The following IL1RAPL2 variants were observed in gnomAD, a reference collection of about 807,000 sequenced individuals.
IL1RAPL2 encodes the protein interleukin 1 receptor accessory protein like 2.
IL1RAPL2 carries 3 observed loss-of-function variants against 44.1 expected under a neutral mutation model. The observed-to-expected ratio is 0.07, with a 90% CI of 0.03 to 0.18. The LOEUF is 0.18. IL1RAPL2 is among the 10% of genes least tolerant of loss of function. The probability of loss-of-function intolerance (pLI) is 1.00; values close to 1 mark genes in which losing one functional copy is unlikely to be tolerated. For synonymous variants in IL1RAPL2, 181 were observed against 178.8 expected (o/e 1.01, Z -0.10); for missense variants, 391 against 496.4 (o/e 0.79, Z 2.02).
chrX:105,219,820 G>A (rs1556177783), intron 3 of IL1RAPL2: 24 of 1,109,865 alleles, frequency 2.2e-5, no homozygotes, highest in Non-Finnish European at 2.6e-5. Context: ...ACTAAGCAGG[G>A]TAGGACGGAG....
At chrX:105,554,251 T>G (rs2036880460) in intron 6 of IL1RAPL2, among the ~76,000 whole-genome samples, 1 of 112,989 alleles carries the variant, frequency 8.9e-6, no homozygotes, top group South Asian at 3.6e-4. Flanking sequence ...AACCAAGGAT[T>G]CTAGAAATAC....
At chrX:105,653,160 G>A (rs1485455272) in intron 6 of IL1RAPL2, among the ~76,000 whole-genome samples, 3 of 111,562 alleles carry the variant, frequency 2.7e-5, no homozygotes, top group Non-Finnish European at 3.8e-5. Flanking sequence ...AATGGAATAC[G>A]GAAAATATAG....
chrX:105,394,652 C>A (rs2035549556), intron 5 of IL1RAPL2, among the ~76,000 whole-genome samples: 1 of 111,284 alleles, frequency 9.0e-6, no homozygotes, highest in African/African-American at 3.3e-5. Flanking sequence ...TTTACCATAT[C>A]AAGACCAACC....
At chrX:104,848,786 CATA>C (rs1396276292) in intron 2 of IL1RAPL2, among the ~76,000 whole-genome samples, 1 of 109,371 alleles carries the variant, frequency 9.1e-6, no homozygotes, top group Non-Finnish European at 1.9e-5. Flanking sequence ...TTTCTCCTAA[CATA>C]ATTTTATGTA....
At chrX:104,688,700 G>A (rs1451852708) in intron 2 of IL1RAPL2, among the ~76,000 whole-genome samples, 1 of 111,764 alleles carries the variant, frequency 8.9e-6, no homozygotes, top group East Asian at 2.8e-4. Flanking sequence ...ACTTTTGGAG[G>A]AAAAACTAGA....
At chrX:104,568,292 G>A (rs1381558558) in intron 1 of IL1RAPL2, among the ~76,000 whole-genome samples, 1 of 111,454 alleles carries the variant, frequency 9.0e-6, no homozygotes, top group African/African-American at 3.3e-5. Flanking sequence ...AAGGGAGGGA[G>A]GGAGGAAAGG....
At chrX:105,403,389 T>G (rs2035619373) in intron 5 of IL1RAPL2, among the ~76,000 whole-genome samples, 1 of 111,325 alleles carries the variant, frequency 9.0e-6, no homozygotes, top group Non-Finnish European at 1.9e-5. Flanking sequence ...TATTATTTTT[T>G]TTCTAAAGTA....
chrX:104,797,452 A>G (rs1358616247), intron 2 of IL1RAPL2, among the ~76,000 whole-genome samples: 3 of 111,205 alleles, frequency 2.7e-5, no homozygotes, highest in Non-Finnish European at 5.7e-5. Flanking sequence ...AAGGGCTTCT[A>G]TGGTCAAATA....
intron 2 of IL1RAPL2, among the ~76,000 whole-genome samples, chrX:105,011,959 T>C (rs2031055898): frequency 9.0e-6 from 1 of 111,255 alleles, no homozygotes; most frequent in East Asian, 2.9e-4. Context: ...TAAAGGAGCA[T>C]TCCTCAAAAC....
intron 6 of IL1RAPL2, among the ~76,000 whole-genome samples, chrX:105,664,893 G>A (rs896100660): frequency 8.9e-6 from 1 of 112,114 alleles, no homozygotes; most frequent in Non-Finnish European, 1.9e-5. Flanking sequence ...TCCTGCTGGA[G>A]AAAACTGTGT....
intron 1 of IL1RAPL2, among the ~76,000 whole-genome samples, chrX:104,585,862 G>C (rs1210273248): frequency 9.0e-6 from 1 of 110,892 alleles, no homozygotes; most frequent in East Asian, 2.8e-4. Context: ...CATTTAGGTT[G>C]ATTCCATGTC....
chrX:105,673,237 G>A (rs1216399495), intron 6 of IL1RAPL2, among the ~76,000 whole-genome samples: 2 of 111,030 alleles, frequency 1.8e-5, no homozygotes, highest in African/African-American at 3.3e-5. Flanking sequence ...CGTGTGCCAT[G>A]ATGGTTTGCT....
chrX:105,549,801 C>T (rs2036837342), intron 6 of IL1RAPL2, among the ~76,000 whole-genome samples: 1 of 111,812 alleles, frequency 8.9e-6, no homozygotes, highest in Non-Finnish European at 1.9e-5. Flanking sequence ...TTTCTTAACT[C>T]CCGAAGCCCA....
intron 1 of IL1RAPL2, among the ~76,000 whole-genome samples, chrX:104,622,665 C>T (rs1462529029): frequency 9.0e-6 from 1 of 110,730 alleles, no homozygotes; most frequent in Non-Finnish European, 1.9e-5. Flanking sequence ...TGAGGCTTTT[C>T]GTCTGTGGCT....
chrX:104,613,675 T>C (rs1258956314), intron 1 of IL1RAPL2, among the ~76,000 whole-genome samples: 1 of 111,104 alleles, frequency 9.0e-6, no homozygotes, highest in Non-Finnish European at 1.9e-5. Context: ...AGAATGATGC[T>C]GGCTTTGTAG....
chrX:104,881,613 G>A (rs775687763), intron 2 of IL1RAPL2, among the ~76,000 whole-genome samples: 3 of 112,083 alleles, frequency 2.7e-5, no homozygotes, highest in Non-Finnish European at 5.6e-5. Context: ...TTAAATAGAC[G>A]CTGGGAAAAG....
intron 2 of IL1RAPL2, among the ~76,000 whole-genome samples, chrX:105,130,185 A>G (rs1399923091): frequency 1.8e-5 from 2 of 111,374 alleles, no homozygotes; most frequent in African/African-American, 6.5e-5. Context: ...TGTTTGACTA[A>G]AAAATCCATG....
chrX:105,323,661 G>C (rs779880639), intron 5 of IL1RAPL2, among the ~76,000 whole-genome samples: 7 of 111,548 alleles, frequency 6.3e-5, no homozygotes, highest in Middle Eastern at 4.2e-3. Context: ...ATCACCTGAA[G>C]TCAGGAGGTT....
chrX:105,337,584 T>C (rs2035037874), intron 5 of IL1RAPL2, among the ~76,000 whole-genome samples: 1 of 111,612 alleles, frequency 9.0e-6, no homozygotes, highest in South Asian at 3.7e-4. Context: ...CCGTGATGAT[T>C]GAAAAGAGTA....
Sources: gnomAD v4.1 joint callset for allele counts (sites outside exome capture counted in the v4.1 genomes callset) on GRCh38, gnomAD v4.1.1 for gene constraint, MANE v1.5 for transcripts, NCBI Gene and HGNC (gene_info 2026-07-23, HGNC 2026-07-21) for gene names.